The following STK32B variants were observed in gnomAD, a reference collection of about 807,000 sequenced individuals.
STK32B encodes the protein serine/threonine-protein kinase 32B.
STK32B carries 43 observed loss-of-function variants against 52.6 expected under a neutral mutation model. The ratio of observed to expected loss-of-function variants is 0.82; its 90% confidence interval spans 0.64 to 1.05. The LOEUF (loss-of-function observed/expected upper bound fraction) is 1.05, where lower values mean the gene tolerates loss of function less well. STK32B is among the 50% of genes least tolerant of loss of function. The pLI, the probability that STK32B is intolerant of heterozygous loss-of-function variation, is 0.00. For missense variants in STK32B, 621 were observed against 534.6 expected (o/e 1.16, Z -1.59); for synonymous variants, 238 against 204.3 (o/e 1.17, Z -1.41).
At chr4:5,226,347 A>G (rs939093471) in intron 3 of STK32B, among the ~76,000 whole-genome samples, 3 of 152,230 alleles carry the variant, frequency 2.0e-5, no homozygotes, top group Non-Finnish European at 4.4e-5. Context: ...GGACACAAGT[A>G]TAGTAGCTCC....
chr4:5,100,984 G>T, intron 1 of STK32B, among the ~76,000 whole-genome samples: 1 of 151,654 alleles, frequency 6.6e-6, no homozygotes, highest in South Asian at 2.1e-4. Flanking sequence ...CTGCAGCCTC[G>T]AACTCATGGG....
At chr4:5,239,701 C>T (rs1724876932) in intron 3 of STK32B, among the ~76,000 whole-genome samples, 1 of 152,010 alleles carries the variant, frequency 6.6e-6, no homozygotes, top group South Asian at 2.1e-4. Flanking sequence ...GGCAAGTTTA[C>T]AAGATGGTGT....
chr4:5,220,701 G>T lies in STK32B; in HGVS notation c.260+52251G>T, dbSNP rs912249265. ...GAGGCACAGAAGGGTTTTAAGTAGG[G>T]AGAGAGACATGGGATTATGTCTGCC... On this transcript the variant is annotated intron_variant, in intron 3 of 11. Transcript: ENST00000282908. 3.3e-5 allele frequency among the ~76,000 whole-genome samples: 5 copies of T among 152,184 alleles called. 1 individual carries two copies. The highest frequency in any genetic ancestry group is 2.0e-4 in the Admixed American group (3 of 15,282).
chr4:5,189,513 T>C (rs1223492599), intron 3 of STK32B, among the ~76,000 whole-genome samples: 1 of 152,242 alleles, frequency 6.6e-6, no homozygotes, highest in Non-Finnish European at 1.5e-5. Flanking sequence ...ACAAGTAATA[T>C]TCCATTATCT....
chr4:5,198,347 C>T (rs1177222520), intron 3 of STK32B, among the ~76,000 whole-genome samples: 1 of 152,222 alleles, frequency 6.6e-6, no homozygotes, highest in Non-Finnish European at 1.5e-5. Context: ...CGCCTTTTCA[C>T]CAACTAATTT....
the STK32B span, among the ~76,000 whole-genome samples, chr4:5,033,969 T>C: frequency 1.1e-4 from 16 of 152,310 alleles, no homozygotes; most frequent in East Asian, 2.5e-3. Context: ...GTTTTGTGAA[T>C]TGAGCTAAAT....
chr4:5,494,989 C>T (rs1372197943), intron 11 of STK32B, among the ~76,000 whole-genome samples: 2 of 152,176 alleles, frequency 1.3e-5, no homozygotes, highest in Non-Finnish European at 2.9e-5. Context: ...CCCGACCTTT[C>T]TCTCTGGCTG....
intron 1 of STK32B, among the ~76,000 whole-genome samples, chr4:5,085,915 G>A (rs927098168): frequency 3.9e-5 from 6 of 152,052 alleles, no homozygotes; most frequent in Non-Finnish European, 5.9e-5. Flanking sequence ...ATAATTACTC[G>A]GTATGTTTGT....
chr4:5,298,794 G>GGA (rs1481158908), intron 3 of STK32B, among the ~76,000 whole-genome samples: 5 of 151,196 alleles, frequency 3.3e-5, no homozygotes, highest in Non-Finnish European at 7.4e-5. Context: ...CCAGGGGAGT[G>GGA]AATGGTTCTG....
intron 11 of STK32B, among the ~76,000 whole-genome samples, chr4:5,476,308 G>T (rs1019943147): frequency 3.3e-5 from 5 of 152,062 alleles, no homozygotes; most frequent in African/African-American, 1.2e-4. Context: ...TAGGTCTGAG[G>T]GATTCTCAAG....
At chr4:5,340,817 C>A (rs1733024833) in intron 4 of STK32B, among the ~76,000 whole-genome samples, 1 of 152,080 alleles carries the variant, frequency 6.6e-6, no homozygotes, top group African/African-American at 2.4e-5. Context: ...TGTGTATGTA[C>A]ACATATATAT....
intron 4 of STK32B, among the ~76,000 whole-genome samples, chr4:5,339,045 C>A (rs900923222): frequency 3.9e-5 from 6 of 152,126 alleles, no homozygotes; most frequent in Admixed American, 2.0e-4. Context: ...AAAATTAGAG[C>A]CATTCACTCT....
At chr4:5,462,288 CTGTG>C (rs893150057) in intron 9 of STK32B, among the ~76,000 whole-genome samples, 27 of 150,216 alleles carry the variant, frequency 1.8e-4, no homozygotes, top group African/African-American at 6.4e-4. Flanking sequence ...GTGTATGTGT[CTGTG>C]TGTGTGTACC....
chr4:5,269,577 C>T (rs937659995), intron 3 of STK32B, among the ~76,000 whole-genome samples: 3 of 151,930 alleles, frequency 2.0e-5, no homozygotes, highest in African/African-American at 7.3e-5. Flanking sequence ...CAGACAAGGG[C>T]GGTTAAGTGG....
chr4:5,171,783 C>A (rs1719391949), intron 3 of STK32B, among the ~76,000 whole-genome samples: 1 of 148,704 alleles, frequency 6.7e-6, no homozygotes, highest in African/African-American at 2.4e-5. Flanking sequence ...ATTGACTTGG[C>A]AATGTGGGCT....
At chr4:5,034,415 C>T in the STK32B span, among the ~76,000 whole-genome samples, 217 of 152,340 alleles carry the variant, frequency 1.4e-3, no homozygotes, top group African/African-American at 4.9e-3. Flanking sequence ...ACACAGTTCC[C>T]CTGCCTGCAG....
At chr4:5,121,452 G>T (rs1715019765) in intron 1 of STK32B, among the ~76,000 whole-genome samples, 1 of 152,138 alleles carries the variant, frequency 6.6e-6, no homozygotes, top group African/African-American at 2.4e-5. Context: ...AAGGATTAGG[G>T]AACAGATCAT....
At chr4:5,374,536 T>A (rs1208335960) in intron 4 of STK32B, among the ~76,000 whole-genome samples, 6 of 152,110 alleles carry the variant, frequency 3.9e-5, no homozygotes, top group Admixed American at 3.9e-4. Flanking sequence ...TTCTCACAAC[T>A]CTGGAGGGAG....
rs1400553175 is a variant in STK32B at position 5,469,506 on chromosome 4, G to C, written c.1106+1436G>C. On this transcript the variant is annotated intron_variant, in intron 11 of 11. Transcript: ENST00000282908. This position sits in a 1 kb window ranked among gnomAD's most constrained non-coding sequence, Gnocchi z 4.7. ...GACAGCATGGCTGCCGCAGGGCCTA[G>C]AGAGTGAGGAGAGGTGAGGGATGGG... Among the ~76,000 whole-genome samples the C allele has an allele frequency of 6.6e-6, 1 of 152,220 alleles. No individual in the cohort carries two copies. The highest frequency in any genetic ancestry group is 1.5e-5 in the Non-Finnish European group (1 of 68,048).
Sources: gnomAD v4.1 joint callset for allele counts (sites outside exome capture counted in the v4.1 genomes callset) on GRCh38, gnomAD v4.1.1 for gene constraint, Gnocchi (gnomAD v3.1) non-coding constraint, MANE v1.5 for transcripts, NCBI Gene and HGNC (gene_info 2026-07-23, HGNC 2026-07-21) for gene names.